The following NTRK3 variants were observed in gnomAD, a reference collection of about 807,000 sequenced individuals.
NTRK3 encodes NT-3 growth factor receptor.
In NTRK3, 24 loss-of-function variants were observed where a neutral mutation model predicts 91.7. The ratio of observed to expected loss-of-function variants is 0.26; its 90% CI spans 0.19 to 0.37. The LOEUF (loss-of-function observed/expected upper bound fraction) is 0.37. Ranked by LOEUF, NTRK3 falls within the 10% of genes least tolerant of loss-of-function variation. The probability of loss-of-function intolerance (pLI) is 1.00; values close to 1 mark genes in which losing one functional copy is unlikely to be tolerated. For missense variants in NTRK3, 880 were observed against 1,068.9 expected (o/e 0.82, Z 2.46); for synonymous variants, 483 against 404.0 (o/e 1.20, Z -2.34).
intron 13 of NTRK3, among the ~76,000 whole-genome samples, chr15:88,052,554 AGAGTG>A (rs1432603551): frequency 6.6e-6 from 1 of 152,242 alleles, no homozygotes; most frequent in Non-Finnish European, 1.5e-5. Context: ...GCCACATCCA[AGAGTG>A]GAGTCTTCCC....
intron 18 of NTRK3, among the ~76,000 whole-genome samples, chr15:87,878,746 T>C (rs751415220): frequency 6.6e-6 from 1 of 152,230 alleles, no homozygotes; most frequent in Admixed American, 6.5e-5. Context: ...CCAATGCCTC[T>C]GTGAGTCTTA....
At chr15:87,985,035 T>C (rs2074626462) in intron 14 of NTRK3, among the ~76,000 whole-genome samples, 1 of 152,196 alleles carries the variant, frequency 6.6e-6, no homozygotes, top group Non-Finnish European at 1.5e-5. Flanking sequence ...GCAAGCCTTG[T>C]TGAATGCCCC....
rs2066850251 is a variant in NTRK3 at position 87,907,603 on chromosome 15, G to C, written c.2133+21588C>G. 2.0e-5 allele frequency among the ~76,000 whole-genome samples: 3 copies of C among 152,104 alleles called. No homozygotes were observed. The South Asian group carries it at 6.2e-4, about 32-fold the overall frequency. On this transcript the variant is annotated intron_variant, in intron 17 of 18. Transcript: ENST00000394480. ...ACTACCGCACGCCCTGTCAGTGTTA[G>C]GAAGCAGCCTCTGGCCTGTGGAAAG... is the stretch of plus-strand genomic sequence containing the variant.
chr15:88,055,775 C>T (rs764198345), intron 13 of NTRK3, among the ~76,000 whole-genome samples: 6 of 152,162 alleles, frequency 3.9e-5, no homozygotes, highest in Non-Finnish European at 8.8e-5. Flanking sequence ...CTGCAAAATA[C>T]CTAGACTGGG....
intron 14 of NTRK3, among the ~76,000 whole-genome samples, chr15:88,028,261 A>G (rs1355605950): frequency 6.6e-6 from 1 of 152,184 alleles, no homozygotes; most frequent in Non-Finnish European, 1.5e-5. Context: ...ACGTGAGCCC[A>G]TGAGGGTGGA....
At chr15:88,094,132 C>T (rs970432584) in intron 13 of NTRK3, among the ~76,000 whole-genome samples, 4 of 152,148 alleles carry the variant, frequency 2.6e-5, no homozygotes, top group African/African-American at 7.2e-5. Flanking sequence ...CTTCTTGCTG[C>T]AGCCTTTGGA....
intron 14 of NTRK3, among the ~76,000 whole-genome samples, chr15:87,949,756 G>A (rs570695610): frequency 5.8e-4 from 89 of 152,250 alleles, no homozygotes; most frequent in African/African-American, 1.9e-3. Context: ...TATTCTGTTG[G>A]CCTTTCCCGT....
At chr15:88,015,397 C>T (rs772452567) in intron 14 of NTRK3, among the ~76,000 whole-genome samples, 9 of 152,136 alleles carry the variant, frequency 5.9e-5, no homozygotes, top group Admixed American at 1.3e-4. Flanking sequence ...CTGCCCCCAC[C>T]AAACCCTGCC....
intron 14 of NTRK3, among the ~76,000 whole-genome samples, chr15:87,962,465 C>T (rs1387744709): frequency 6.6e-6 from 1 of 152,224 alleles, no homozygotes; most frequent in South Asian, 2.1e-4. Flanking sequence ...TTGCTGTCAC[C>T]GCTGAGGGCT....
At chr15:87,860,722 CT>C (rs1372704676) in exon 19 of NTRK3, 3 of 209,888 alleles carry the variant, frequency 1.4e-5, no homozygotes, top group Non-Finnish European at 2.9e-5. Flanking sequence ...ACCTCAGTCA[CT>C]TATGTTAAGT....
At chr15:87,950,381 G>A (rs1567143130) in intron 14 of NTRK3, among the ~76,000 whole-genome samples, 1 of 152,308 alleles carries the variant, frequency 6.6e-6, no homozygotes, top group Admixed American at 6.5e-5. Flanking sequence ...ATAAAACTGA[G>A]CTGCTTCAGG....
At chr15:88,184,404 G>T in intron 3 of NTRK3, 105 bp from the exon 4 acceptor site, 2 of 1,107,188 alleles carry the variant, frequency 1.8e-6, no homozygotes, top group Non-Finnish European at 2.7e-6. Flanking sequence ...CTAATTGATT[G>T]CCAGGCCTTT....
chr15:88,246,784 C>T (rs2052870241), intron 3 of NTRK3, among the ~76,000 whole-genome samples: 2 of 152,206 alleles, frequency 1.3e-5, no homozygotes, highest in Non-Finnish European at 2.9e-5. Context: ...GTCTCACATC[C>T]CTGGACTGCA....
intron 13 of NTRK3, among the ~76,000 whole-genome samples, chr15:88,041,340 C>G (rs527501348): frequency 6.6e-6 from 1 of 152,216 alleles, no homozygotes. Context: ...AGCAATCTCA[C>G]TTCCCAACTC....
At chr15:88,081,462 G>A (rs1305463930) in intron 13 of NTRK3, among the ~76,000 whole-genome samples, 2 of 152,194 alleles carry the variant, frequency 1.3e-5, no homozygotes, top group Non-Finnish European at 2.9e-5. Context: ...GCCCAGACAT[G>A]CTAGCCCAAC....
intron 14 of NTRK3, among the ~76,000 whole-genome samples, chr15:88,005,692 A>G (rs550005952): frequency 1.3e-5 from 2 of 152,220 alleles, no homozygotes; most frequent in East Asian, 3.9e-4. Flanking sequence ...AGCACAGAAA[A>G]AGGTGCTAGG....
chr15:88,073,712 G>C (rs769185377), intron 13 of NTRK3, among the ~76,000 whole-genome samples: 2 of 152,150 alleles, frequency 1.3e-5, no homozygotes, highest in Non-Finnish European at 2.9e-5. Context: ...AGGACAAAGA[G>C]AGAAGAAGGC....
chr15:87,991,000 A>G (rs1296756240), intron 14 of NTRK3, among the ~76,000 whole-genome samples: 1 of 152,176 alleles, frequency 6.6e-6, no homozygotes, highest in East Asian at 1.9e-4. Context: ...ATCCTTTTAC[A>G]AAACTGACCT....
intron 14 of NTRK3, among the ~76,000 whole-genome samples, chr15:88,014,142 G>T (rs1237531883): frequency 6.6e-6 from 1 of 152,194 alleles, no homozygotes; most frequent in Non-Finnish European, 1.5e-5. Context: ...GGGTTCAACT[G>T]CAGAATTCCC....
Sources: allele counts gnomAD v4.1 joint callset (sites outside exome capture counted in the v4.1 genomes callset), GRCh38; gene constraint gnomAD v4.1.1; transcripts MANE v1.5; gene names NCBI Gene and HGNC (gene_info 2026-07-23, HGNC 2026-07-21).